KARS1: variants seen among roughly 807,000 people sequenced by gnomAD.
The protein encoded by KARS1 is lysine--tRNA ligase.
In KARS1, 50 loss-of-function variants were observed where a neutral mutation model predicts 63.9. The ratio of observed to expected loss-of-function variants is 0.78; its 90% confidence interval spans 0.62 to 0.99. The LOEUF (loss-of-function observed/expected upper bound fraction) is 0.99. Among genes scored for constraint, KARS1 ranks in the 50% least tolerant of loss-of-function variants. KARS1 has a pLI of 0.00. For synonymous variants in KARS1, 320 were observed against 264.6 expected (o/e 1.21, Z -2.03); for missense variants, 816 against 754.5 (o/e 1.08, Z -0.95).
chr16:75,636,268 T>C (rs1247176615), intron 4 of KARS1, among the ~76,000 whole-genome samples, 170 bp from the exon 5 acceptor site: 2 of 152,210 alleles, frequency 1.3e-5, no homozygotes, highest in South Asian at 2.1e-4. Flanking sequence ...TTTACTGTCA[T>C]ATAACTTGAG....
intron 6 of KARS1, 51 bp downstream of exon 6, chr16:75,635,629 A>G (rs778236490): frequency 6.2e-7 from 1 of 1,605,180 alleles, no homozygotes; most frequent in East Asian, 2.2e-5. Flanking sequence ...GGAGAGGAGG[A>G]GGCAAGCATT....
chr16:75,635,593 G>A (rs2082152507), intron 6 of KARS1, 87 bp downstream of exon 6: 50 of 1,422,010 alleles, frequency 3.5e-5, no homozygotes, highest in Non-Finnish European at 4.8e-5. Flanking sequence ...CCTGACACAG[G>A]ATACGCTTTG....
At position 75,640,250 on chromosome 16, in the gene KARS1, A is replaced by C; in HGVS notation, c.322T>G (p.Phe108Val). 1 of 1,613,936 alleles carries C rather than the reference A, an allele frequency of 6.2e-7. No individual in the cohort carries two copies. Among genetic ancestry groups the C allele is most frequent in the East Asian group, 2.2e-5 (1 of 44,870 alleles). The change falls in exon 3 of 14, where the codon TTC becomes GTC. Residue 108 changes from phenylalanine (F) to valine (V), a missense_variant. Coordinates refer to ENST00000302445, the MANE Select transcript of KARS1 (RefSeq NM_005548.3). The part of the protein sequence containing the change: ...KFHVDISLTD[F>V]IQKYSHLQPG... ...TGCAGGTGACTATATTTTTGGATGA[A>C]GTCAGTGAGTGAGATGTCTACATGG...
chr16:75,642,256 T>G (rs957515822), intron 1 of KARS1, among the ~76,000 whole-genome samples: 10 of 133,790 alleles, frequency 7.5e-5, no homozygotes, highest in East Asian at 2.5e-4. Context: ...CAGGCTGGAG[T>G]GCAGTCACAA....
intron 6 of KARS1, 83 bp downstream of exon 6, chr16:75,635,597 C>A: frequency 1.4e-6 from 2 of 1,458,106 alleles, no homozygotes; most frequent in Non-Finnish European, 1.9e-6. Context: ...ACACAGGATA[C>A]GCTTTGGAAA....
At chr16:75,643,050 A>G (rs1296973491) in intron 1 of KARS1, among the ~76,000 whole-genome samples, 2 of 152,210 alleles carry the variant, frequency 1.3e-5, no homozygotes, top group Non-Finnish European at 2.9e-5. Flanking sequence ...AACTCTTGAT[A>G]CTTATCACTT....
chr16:75,633,964 A>G (rs1033857188), intron 7 of KARS1: 6 of 598,732 alleles, frequency 1.0e-5, no homozygotes, highest in African/African-American at 9.2e-5. Flanking sequence ...TGGGAAAGAC[A>G]ACCCCTTTGG....
chr16:75,633,040 G>C (rs1429843894), intron 7 of KARS1, among the ~76,000 whole-genome samples: 4 of 152,160 alleles, frequency 2.6e-5, no homozygotes, highest in East Asian at 3.8e-4. Flanking sequence ...GTTGACCAAA[G>C]ATACTGCTCC....
intron 9 of KARS1, 74 bp downstream of exon 9, chr16:75,631,342 C>T: frequency 6.3e-7 from 1 of 1,587,202 alleles, no homozygotes. Context: ...GAAATTCTAG[C>T]TCTGACCCAA....
chr16:75,635,956 A>C lies in KARS1; in HGVS notation c.625T>G (p.Cys209Gly), dbSNP rs1369127817. ...IPYEITLLSPCLHMLPHLHFG... is the reference protein window; with the variant it reads ...IPYEITLLSPGLHMLPHLHFG... ...TGAAGATGAGGTAACATATGCAAAC[A>C]GGGAGACAGCAGTGTGATCTCATAC... Residue 209 changes from cysteine (C) to glycine (G), a missense_variant, in exon 5 of 14, where the codon TGT becomes GGT. Cys to Gly is a radical substitution (Grantham distance 159). Transcript: ENST00000302445. 1 of 1,614,222 alleles carries C rather than the reference A, an allele frequency of 6.2e-7. No individual in the cohort carries two copies. Among genetic ancestry groups the C allele is most frequent in the South Asian group, 1.1e-5 (1 of 91,078 alleles).
intron 6 of KARS1, 96 bp downstream of exon 6, chr16:75,635,584 C>T: frequency 1.5e-6 from 2 of 1,376,210 alleles, no homozygotes; most frequent in South Asian, 1.2e-5. Flanking sequence ...ATGAAGGATC[C>T]TGACACAGGA....
chr16:75,646,616 G>C (rs550875300), intron 1 of KARS1, among the ~76,000 whole-genome samples: 1 of 152,008 alleles, frequency 6.6e-6, no homozygotes, highest in Non-Finnish European at 1.5e-5. Context: ...AACTCCTTGG[G>C]GAAAGCGATG....
At chr16:75,630,278 C>T (rs1273143438) in intron 11 of KARS1, 145 bp downstream of exon 11, 12 of 656,912 alleles carry the variant, frequency 1.8e-5, no homozygotes, top group Non-Finnish European at 3.1e-5. Context: ...GCAGAATCCC[C>T]AGTTGAAAAA....
At chr16:75,637,900 C>CA (rs11386229) in intron 3 of KARS1, among the ~76,000 whole-genome samples, 16,335 of 93,610 alleles carry the variant, frequency 0.17, 1,088 homozygotes, top group Non-Finnish European at 0.21. Flanking sequence ...AAAAAGAGAC[C>CA]AAAAAAAAAA....
intron 1 of KARS1, chr16:75,644,554 G>C: frequency 3.6e-6 from 3 of 833,424 alleles, no homozygotes; most frequent in Non-Finnish European, 5.4e-6. Context: ...GGGGGACCAT[G>C]CTTCTACTAC....
chr16:75,630,168 G>C (rs2082095749), intron 11 of KARS1, among the ~76,000 whole-genome samples: 1 of 152,200 alleles, frequency 6.6e-6, no homozygotes. Context: ...CCATGCTGAA[G>C]GGAAGCCCAG....
chr16:75,644,732 T>C (rs1451750196), intron 1 of KARS1, among the ~76,000 whole-genome samples: 2 of 152,154 alleles, frequency 1.3e-5, no homozygotes, highest in Admixed American at 6.5e-5. Flanking sequence ...GTAAAATTGC[T>C]CACAACATCC....
intron 1 of KARS1, chr16:75,647,367 C>A: frequency 1.5e-6 from 1 of 645,630 alleles, no homozygotes; most frequent in Non-Finnish European, 2.8e-6. Flanking sequence ...GGGAGCATCC[C>A]GCCGGTGCCA....
In KARS1 at chr16:75,630,501, CCAA is replaced by C; in HGVS notation, c.1343_1345del (p.Val448del). 1 of 1,606,346 alleles carries C rather than the reference CCAA, an allele frequency of 6.2e-7. No homozygotes were observed. Among genetic ancestry groups the C allele is most frequent in the South Asian group, 1.1e-5 (1 of 90,922 alleles). On this transcript the variant is annotated inframe_deletion, in exon 11 of 14. Coordinates refer to ENST00000302445, the MANE Select transcript of KARS1 (RefSeq NM_005548.3). ...GATGCAAGTCACTTCCAGGAACTCC[CCAA>C]CAAGCTTAATGAGAAAGCAAAGCAG...
Sources: gnomAD v4.1 joint callset for allele counts (sites outside exome capture counted in the v4.1 genomes callset) on GRCh38, gnomAD v4.1.1 for gene constraint, MANE v1.5 for transcripts, NCBI Gene and HGNC (gene_info 2026-07-23, HGNC 2026-07-21) for gene names.